SLC22A14: variants seen among roughly 807,000 people sequenced by gnomAD.
SLC22A14 encodes organic cation transporter-like 4.
SLC22A14 carries 50 observed loss-of-function variants against 53.9 expected under a neutral mutation model. The ratio of observed to expected loss-of-function variants is 0.93; its 90% CI spans 0.74 to 1.17. The LOEUF (loss-of-function observed/expected upper bound fraction) is 1.17, where lower values mean the gene tolerates loss of function less well. Ranked by LOEUF, SLC22A14 falls within the 50% of genes most tolerant of loss-of-function variation. The probability of loss-of-function intolerance (pLI) is 0.00; values close to 1 mark genes in which losing one functional copy is unlikely to be tolerated. For synonymous variants in SLC22A14, 312 were observed against 303.0 expected (o/e 1.03, Z -0.31); for missense variants, 671 against 734.7 (o/e 0.91, Z 1.00).
chr3:38,317,630 G>A (rs866661407), intron 10 of SLC22A14, among the ~76,000 whole-genome samples: 1 of 152,178 alleles, frequency 6.6e-6, no homozygotes, highest in African/African-American at 2.4e-5. Context: ...GTGTGTGCAC[G>A]GAGAAGTTAC....
intron 4 of SLC22A14, 141 bp from the exon 5 acceptor site, chr3:38,308,813 C>A: frequency 2.6e-6 from 2 of 760,660 alleles, no homozygotes; most frequent in Non-Finnish European, 4.4e-6. Flanking sequence ...TGTCTCTGGA[C>A]CCAGTGCAGA....
intron 9 of SLC22A14, 45 bp from the exon 10 acceptor site, chr3:38,316,279 T>C (rs1704614378): frequency 6.3e-7 from 1 of 1,586,886 alleles, no homozygotes; most frequent in Admixed American, 1.7e-5. Flanking sequence ...GCCCAGCCTC[T>C]GAACCCGGCA....
intron 1 of SLC22A14, among the ~76,000 whole-genome samples, chr3:38,300,290 A>G (rs1025355965): frequency 2.0e-5 from 3 of 152,152 alleles, no homozygotes; most frequent in East Asian, 1.9e-4. Flanking sequence ...AAATACAAAA[A>G]TTAGCCGGAT....
chr3:38,309,057 T>G lies in SLC22A14; in HGVS notation c.879T>G (p.Leu293=), dbSNP rs58484119. ...AVLLTGIAYS[L]PHWQLLFLVG... ...TGCTGACAGGGATCGCCTACAGTCT[T>G]CCCCACTGGCAGCTGCTGTTTCTGG... Residue 293 remains leucine, a synonymous_variant, in exon 5 of 11, where the codon CTT becomes CTG. Transcript: ENST00000448498. 297 of 1,613,972 alleles carry G rather than the reference T, an allele frequency of 1.8e-4. No homozygotes were observed. The African/African-American group carries it at 3.6e-3, about 19-fold the overall frequency.
chr3:38,314,012 C>A, intron 8 of SLC22A14, 71 bp downstream of exon 8: 1 of 1,335,860 alleles, frequency 7.5e-7, no homozygotes, highest in Non-Finnish European at 1.1e-6. Context: ...CCAGTGCCGC[C>A]TGCCACGGCC....
chr3:38,297,291 G>T (rs1021693110), intron 1 of SLC22A14, among the ~76,000 whole-genome samples: 1 of 152,126 alleles, frequency 6.6e-6, no homozygotes, highest in South Asian at 2.1e-4. Context: ...GGGATTCTTA[G>T]TCAGCCTAGA....
chr3:38,305,909 T>C, intron 1 of SLC22A14, 118 bp from the exon 2 acceptor site: 1 of 972,734 alleles, frequency 1.0e-6, no homozygotes, highest in South Asian at 1.6e-5. Flanking sequence ...AACGTCAAGG[T>C]TGGAATCCAT....
intron 1 of SLC22A14, among the ~76,000 whole-genome samples, chr3:38,298,585 A>G (rs780615606): frequency 6.6e-6 from 1 of 151,468 alleles, no homozygotes; most frequent in Non-Finnish European, 1.5e-5. Context: ...TGTGTTTTAG[A>G]CGGAGTCTTG....
chr3:38,292,135 G>A (rs895593795), intron 1 of SLC22A14, among the ~76,000 whole-genome samples: 5 of 152,206 alleles, frequency 3.3e-5, no homozygotes, highest in East Asian at 3.8e-4. Context: ...GTTTCTGAAC[G>A]GGTGGCTAAA....
At chr3:38,291,494 A>G (rs1419944935) in intron 1 of SLC22A14, among the ~76,000 whole-genome samples, 1 of 152,210 alleles carries the variant, frequency 6.6e-6, no homozygotes, top group East Asian at 1.9e-4. Flanking sequence ...TATGCCATTT[A>G]TATCATGAGA....
intron 1 of SLC22A14, among the ~76,000 whole-genome samples, chr3:38,301,300 C>G (rs1325245991): frequency 6.6e-6 from 1 of 152,204 alleles, no homozygotes; most frequent in Middle Eastern, 3.2e-3. Flanking sequence ...AAAGGTTGTG[C>G]CAGTTTGCAT....
intron 1 of SLC22A14, chr3:38,305,652 AG>A: frequency 2.7e-5 from 5 of 182,370 alleles, no homozygotes; most frequent in East Asian, 1.5e-4. Flanking sequence ...TTGTTTTTGA[AG>A]AAAAGGTCCC....
At chr3:38,298,202 C>T (rs1319758529) in intron 1 of SLC22A14, among the ~76,000 whole-genome samples, 1 of 152,084 alleles carries the variant, frequency 6.6e-6, no homozygotes, top group Non-Finnish European at 1.5e-5. Context: ...TGATGTGCCC[C>T]CATCATTTTA....
At chr3:38,311,880 C>T (rs777904602) in intron 5 of SLC22A14, among the ~76,000 whole-genome samples, 3 of 152,180 alleles carry the variant, frequency 2.0e-5, no homozygotes, top group Non-Finnish European at 2.9e-5. Flanking sequence ...TCTCTTTGTC[C>T]CTGAGAGTTG....
intron 1 of SLC22A14, among the ~76,000 whole-genome samples, chr3:38,304,052 G>C (rs897899719): frequency 6.6e-6 from 1 of 151,838 alleles, no homozygotes; most frequent in Non-Finnish European, 1.5e-5. Context: ...TTAGCCGGGC[G>C]TGGTGGCGGG....
At position 38,316,595 on chromosome 3, in the gene SLC22A14, C is replaced by A. The variant is rs535327749; in HGVS notation, c.1733+71C>A. On this transcript the variant is annotated intron_variant, in intron 10 of 10. Transcript: ENST00000448498. The stretch of plus-strand genomic sequence containing the variant: ...CTGAAGCCTTGGCACAGAGAGCGTG[C>A]GGGACATTGTCCATCCCCGCCCCTC... 2.9e-6 allele frequency: 4 copies of A among 1,381,928 alleles called. No individual in the cohort carries two copies. The African/African-American group carries it at 4.3e-5, about 15-fold the overall frequency. 85.6% of individuals were successfully genotyped at this position (1,381,928 alleles called of 1,614,324 possible).
intron 10 of SLC22A14, among the ~76,000 whole-genome samples, chr3:38,316,961 G>A (rs1350999262): frequency 6.6e-6 from 1 of 152,244 alleles, no homozygotes; most frequent in African/African-American, 2.4e-5. Flanking sequence ...CTTGATGAAG[G>A]ACTCTGGCCT....
intron 1 of SLC22A14, among the ~76,000 whole-genome samples, chr3:38,298,496 A>C (rs963019322): frequency 6.6e-6 from 1 of 151,622 alleles, no homozygotes; most frequent in Admixed American, 6.6e-5. Flanking sequence ...TCATGAGTTC[A>C]TTCTGGTACC....
intron 1 of SLC22A14, among the ~76,000 whole-genome samples, chr3:38,293,866 G>A (rs1288868666): frequency 6.6e-6 from 1 of 152,092 alleles, no homozygotes; most frequent in African/African-American, 2.4e-5. Flanking sequence ...CCAAACTCGC[G>A]GGCTCCAGTT....
Sources: allele counts gnomAD v4.1 joint callset (sites outside exome capture counted in the v4.1 genomes callset), GRCh38; gene constraint gnomAD v4.1.1; transcripts MANE v1.5; gene names NCBI Gene and HGNC (gene_info 2026-07-23, HGNC 2026-07-21).